The following SPPL2B variants were observed in gnomAD, a reference collection of about 807,000 sequenced individuals.
SPPL2B encodes the protein signal peptide peptidase like 2B.
SPPL2B carries 39 observed loss-of-function variants against 59.7 expected under a neutral mutation model. The observed-to-expected ratio is 0.65, with a 90% CI of 0.51 to 0.85. The LOEUF is 0.85. SPPL2B is among the 40% of genes least tolerant of loss of function. The pLI, the probability that SPPL2B is intolerant of heterozygous loss-of-function variation, is 0.00. For synonymous variants in SPPL2B, 419 were observed against 370.8 expected (o/e 1.13, Z -1.49); for missense variants, 865 against 849.0 (o/e 1.02, Z -0.23).
At chr19:2,330,121 T>TTG (rs1968203419) in intron 1 of SPPL2B, among the ~76,000 whole-genome samples, 2 of 151,484 alleles carry the variant, frequency 1.3e-5, no homozygotes, top group African/African-American at 2.4e-5. Context: ...TCTATTTTTT[T>TTG]TTTTTGAGAC....
intron 7 of SPPL2B, chr19:2,340,557 C>A: frequency 1.8e-6 from 1 of 566,154 alleles, no homozygotes; most frequent in Non-Finnish European, 3.2e-6. Context: ...AGACCTGGGT[C>A]TAGGAAGCGG....
chr19:2,337,317 G>A (rs374387788), intron 2 of SPPL2B, 126 bp from the exon 3 acceptor site: 19 of 910,062 alleles, frequency 2.1e-5, no homozygotes, highest in African/African-American at 1.3e-4. Context: ...GTGGGCCGAG[G>A]CCGTGCGGGG....
intron 1 of SPPL2B, among the ~76,000 whole-genome samples, chr19:2,333,543 T>C (rs1472003758): frequency 6.6e-6 from 1 of 152,236 alleles, no homozygotes; most frequent in Non-Finnish European, 1.5e-5. Flanking sequence ...GGGTCGTCCC[T>C]TCTGGTCCAG....
In SPPL2B at chr19:2,344,051, C is replaced by A. The variant is rs371088777; in HGVS notation, c.1113+12C>A. 1 of 1,541,340 alleles carries A rather than the reference C, an allele frequency of 6.5e-7. No homozygotes were observed. The highest frequency in any genetic ancestry group is 2.5e-5 in the East Asian group (1 of 40,792). On this transcript the variant is annotated intron_variant, in intron 10 of 14. Transcript: ENST00000613503. ...CCTTCCTGACCAAGGTAGGCGACTG[C>A]CTGTCCCTGCTCCACCCCATCACCC...
Position 2,353,332 on chromosome 19 carries a change from C to A in SPPL2B, c.*123C>A. 1.7e-6 allele frequency: 2 copies of A among 1,211,096 alleles called. No individual in the cohort carries two copies. The highest frequency in any genetic ancestry group is 1.6e-5 in the South Asian group (1 of 63,362). The allele number at this position is 1,211,096 out of a possible 1,614,324, so 75.0% of individuals were successfully genotyped here. ...GACCGAGGCCTGTGCCGTCCCCACC[C>A]GCCCCAACATGGTGCTCATCCTTGC... On this transcript the variant is annotated 3_prime_UTR_variant, in exon 15 of 15. Transcript: ENST00000613503.
intron 13 of SPPL2B, among the ~76,000 whole-genome samples, chr19:2,347,835 C>G (rs1336469143): frequency 2.8e-5 from 1 of 35,868 alleles, no homozygotes; most frequent in Admixed American, 2.7e-4. Flanking sequence ...CGCCTGATTC[C>G]GTTCTCTCTC....
chr19:2,344,679 T>A (rs1371128753), intron 12 of SPPL2B, 27 bp downstream of exon 12: 1 of 1,475,954 alleles, frequency 6.8e-7, no homozygotes, highest in Admixed American at 1.7e-5. Flanking sequence ...AGCACACGGG[T>A]CCACGCTGTG....
At chr19:2,342,947 T>G (rs545731433) in intron 8 of SPPL2B, 4 of 509,202 alleles carry the variant, frequency 7.9e-6, no homozygotes, top group East Asian at 6.8e-5. Flanking sequence ...GTGTCCACTG[T>G]CCTGGCTGCC....
intron 13 of SPPL2B, among the ~76,000 whole-genome samples, chr19:2,348,172 ACT>A (rs1316533941): frequency 0.011 from 43 of 3,890 alleles, 3 homozygotes; most frequent in Non-Finnish European, 0.011. Context: ...CTCCACACAC[ACT>A]CGCGCTCTCA....
chr19:2,352,441 T>C (rs1444275650), intron 14 of SPPL2B, among the ~76,000 whole-genome samples: 1 of 152,164 alleles, frequency 6.6e-6, no homozygotes, highest in Non-Finnish European at 1.5e-5. Flanking sequence ...GTCATGTTTT[T>C]GTGGAGGTTA....
chr19:2,335,019 G>C (rs1177364879), intron 2 of SPPL2B, among the ~76,000 whole-genome samples: 1 of 152,110 alleles, frequency 6.6e-6, no homozygotes, highest in East Asian at 1.9e-4. Context: ...CCCAGACAGA[G>C]GGGTCCTCAG....
At chr19:2,344,304 ACTCCCCTGCCCCCCCACCCCATCACCACG>A in intron 10 of SPPL2B, 29 bp from the exon 11 acceptor site, 3 of 159,442 alleles carry the variant, frequency 1.9e-5, no homozygotes, top group Non-Finnish European at 3.4e-5. Flanking sequence ...CCATCACCCC[ACTCCCCTGCCCCCCCACCCCATCACCACG>A]CTCCCTCACT....
chr19:2,351,228 A>T (rs1160760421), intron 13 of SPPL2B, among the ~76,000 whole-genome samples: 1 of 152,162 alleles, frequency 6.6e-6, no homozygotes, highest in Non-Finnish European at 1.5e-5. Context: ...CGGTAGGGTC[A>T]GGGTGGGATT....
At position 2,354,292 on chromosome 19, in the gene SPPL2B, C is replaced by T. The variant is rs944200716; in HGVS notation, c.*1083C>T. 6.6e-6 allele frequency: 1 copy of T among 152,308 alleles called. No homozygotes were observed. Among genetic ancestry groups the T allele is most frequent in the African/African-American group, 2.4e-5 (1 of 41,464 alleles). 9.4% of individuals were successfully genotyped at this position (152,308 alleles called of 1,614,324 possible). A position where few individuals can be genotyped will look rare whatever the true frequency, so the allele number is the denominator to read the frequency against. ...GGTCCTCCTGACTCCAGGGCAGAGACGTCCGTGCGGGAACTGACCGAGGCG... is the reference window on the plus strand; with the variant it reads ...GGTCCTCCTGACTCCAGGGCAGAGATGTCCGTGCGGGAACTGACCGAGGCG... On this transcript the variant is annotated 3_prime_UTR_variant, in exon 15 of 15. Transcript: ENST00000613503.
intron 1 of SPPL2B, among the ~76,000 whole-genome samples, chr19:2,333,487 C>T (rs1968398584): frequency 6.6e-6 from 1 of 152,190 alleles, no homozygotes; most frequent in Admixed American, 6.5e-5. Context: ...TCCGTCTTTC[C>T]TCATAGCTCC....
intron 7 of SPPL2B, chr19:2,340,409 A>T: frequency 3.2e-6 from 2 of 631,186 alleles, no homozygotes; most frequent in South Asian, 3.3e-5. Flanking sequence ...CCTTGTCCCC[A>T]GGAACCCTGC....
chr19:2,338,358 C>A (rs1458598144), intron 3 of SPPL2B: 1 of 166,542 alleles, frequency 6.0e-6, no homozygotes. Flanking sequence ...AGAGTGCCAT[C>A]CCTGTCCGCA....
intron 3 of SPPL2B, chr19:2,338,513 G>A (rs1021545545): frequency 1.6e-4 from 79 of 479,508 alleles, no homozygotes; most frequent in Middle Eastern, 1.1e-3. Context: ...GATTAGTGGC[G>A]CTTTTAGGCC....
Position 2,334,526 on chromosome 19 carries a change from C to G in SPPL2B, c.67-76C>G. ...CTTCCTGGAGGCGTCCTCCCCTCCT[C>G]GGGCCTGTTTCTCGTGGGGCGGTGC... On this transcript the variant is annotated intron_variant, in intron 1 of 14. Coordinates refer to ENST00000613503, the MANE Select transcript of SPPL2B (RefSeq NM_152988.3). The G allele has an allele frequency of 3.9e-6, 6 of 1,524,464 alleles. No homozygotes were observed. The South Asian group carries it at 4.9e-5, about 13-fold the overall frequency. The allele number at this position is 1,524,464 out of a possible 1,614,324, so 94.4% of individuals were successfully genotyped here.
Sources: gnomAD v4.1 joint callset for allele counts (sites outside exome capture counted in the v4.1 genomes callset) on GRCh38, gnomAD v4.1.1 for gene constraint, MANE v1.5 for transcripts, NCBI Gene and HGNC (gene_info 2026-07-23, HGNC 2026-07-21) for gene names.